Variants in EVC observed in about 807,000 individuals in gnomAD.
EVC encodes evC complex member EVC.
Under a neutral mutation model 118.9 loss-of-function variants are expected in EVC, and 116 were observed. The ratio of observed to expected loss-of-function variants is 0.98; its 90% confidence interval spans 0.84 to 1.14. EVC has a LOEUF of 1.14. Among genes scored for constraint, EVC ranks in the 50% most tolerant of loss-of-function variants. The probability of loss-of-function intolerance (pLI) is 0.00; values close to 1 mark genes in which losing one functional copy is unlikely to be tolerated. For synonymous variants in EVC, 619 were observed against 534.7 expected, an observed-to-expected ratio of 1.16 and a Z score of -2.18; for missense variants, 1,401 against 1,246.4, an observed-to-expected ratio of 1.12 and a Z score of -1.87.
intron 2 of EVC, among the ~76,000 whole-genome samples, chr4:5,725,996 C>T (rs1258868516): frequency 6.6e-6 from 1 of 152,112 alleles, no homozygotes; most frequent in Non-Finnish European, 1.5e-5. Context: ...GTGGAGTGTC[C>T]CTCCCGTGTT....
chr4:5,747,865 T>C (rs1486388844), intron 7 of EVC, among the ~76,000 whole-genome samples: 1 of 152,016 alleles, frequency 6.6e-6, no homozygotes, highest in Admixed American at 6.6e-5. Flanking sequence ...TGTGCAAGAG[T>C]CTGTAGGCTG....
chr4:5,711,485 C>A lies in EVC; in HGVS notation c.105C>A (p.Gly35=), dbSNP rs745558003. The stretch of plus-strand genomic sequence containing the variant: ...TGCTGGCCCCCGCCGTGCTGCTGGG[C>A]GCCGCGCTCGGCCTCGGCCTCGGCC... ...PALLAPAVLL[G]AALGLGLGLW... The change falls in exon 1 of 21, where the codon GGC becomes GGA. Residue 35 remains glycine (G), a synonymous_variant. Coordinates refer to ENST00000264956, the MANE Select transcript of EVC (RefSeq NM_153717.3). The A allele has an allele frequency of 3.2e-4, 357 of 1,106,800 alleles. 1 individual carries two copies. The South Asian group carries it at 7.1e-3, about 22-fold the overall frequency. The allele number at this position is 1,106,800 out of a possible 1,614,324, so 68.6% of individuals were successfully genotyped here. A position where few individuals can be genotyped will look rare whatever the true frequency, so the allele number is the denominator to read the frequency against.
chr4:5,767,215 G>A (rs1733029947), intron 11 of EVC, among the ~76,000 whole-genome samples: 1 of 152,088 alleles, frequency 6.6e-6, no homozygotes, highest in Non-Finnish European at 1.5e-5. Flanking sequence ...GCTCCTCGGG[G>A]GCCAGGGTTC....
intron 2 of EVC, among the ~76,000 whole-genome samples, chr4:5,729,057 C>T (rs541022117): frequency 6.6e-6 from 1 of 152,168 alleles, no homozygotes; most frequent in Non-Finnish European, 1.5e-5. Flanking sequence ...TCCATCCATC[C>T]ACCTGTCTAT....
Position 5,711,455 on chromosome 4 carries a change from C to A in EVC, c.75C>A (p.Pro25=). 1.9e-6 allele frequency: 2 copies of A among 1,037,518 alleles called. No homozygotes were observed. Among genetic ancestry groups the A allele is most frequent in the East Asian group, 8.9e-5 (1 of 11,284 alleles). The allele number at this position is 1,037,518 out of a possible 1,614,324, so 64.3% of individuals were successfully genotyped here. The change falls in exon 1 of 21, where the codon CCC becomes CCA. Residue 25 remains proline, a synonymous_variant. Coordinates refer to ENST00000264956, the MANE Select transcript of EVC (RefSeq NM_153717.3). ...LLGRDALRPA[P]ALLAPAVLLG... ...GGCGGGACGCGCTGCGGCCGGCGCCCGCCCTGCTGGCCCCCGCCGTGCTGC... is the reference window on the plus strand; with the variant it reads ...GGCGGGACGCGCTGCGGCCGGCGCCAGCCCTGCTGGCCCCCGCCGTGCTGC...
chr4:5,719,432 C>G lies in EVC; in HGVS notation c.300+59C>G. 6.2e-7 allele frequency: 1 copy of G among 1,612,316 alleles called. No individual in the cohort carries two copies. Among genetic ancestry groups the G allele is most frequent in the Non-Finnish European group, 8.5e-7 (1 of 1,179,446 alleles). On this transcript the variant is annotated intron_variant, in intron 2 of 20. Coordinates refer to ENST00000264956, the MANE Select transcript of EVC (RefSeq NM_153717.3). This position sits in a 1 kb window ranked among gnomAD's most constrained non-coding sequence, Gnocchi z 4.7. ...ACATGTGGGAGGTGGGGTATTCCCC[C>G]TGGAAGCCGGGTGTCATGTAGACAA...
chr4:5,720,708 G>C (rs1020027569), intron 2 of EVC, among the ~76,000 whole-genome samples: 1 of 152,200 alleles, frequency 6.6e-6, no homozygotes, highest in South Asian at 2.1e-4. Context: ...AACGTGGACG[G>C]GGGGAGAGAT....
intron 2 of EVC, among the ~76,000 whole-genome samples, chr4:5,725,192 A>G (rs1447754115): frequency 1.3e-5 from 2 of 152,322 alleles, no homozygotes; most frequent in East Asian, 3.9e-4. Flanking sequence ...ATACACATGC[A>G]TGTATCTTTA....
At position 5,767,640 on chromosome 4, in the gene EVC, G is replaced by T. The variant is rs948023955; in HGVS notation, c.1563+11278G>T. Among the ~76,000 whole-genome samples the T allele has an allele frequency of 7.4e-4, 113 of 152,098 alleles. 1 individual carries two copies. Among genetic ancestry groups the T allele is most frequent in the African/African-American group, 2.5e-3 (104 of 41,488 alleles). ...TAAGCCCGTCGGAAAAGCACAGTAT[G>T]CGGGTGGGAGTGACCCGATTTTCCA... On this transcript the variant is annotated intron_variant, in intron 11 of 20. Coordinates refer to ENST00000264956, the MANE Select transcript of EVC (RefSeq NM_153717.3).
At chr4:5,792,368 T>A (rs566580252) in intron 12 of EVC, among the ~76,000 whole-genome samples, 2 of 152,338 alleles carry the variant, frequency 1.3e-5, no homozygotes, top group Admixed American at 1.3e-4. Context: ...TAAGATCTGA[T>A]GAATTATACT....
At chr4:5,827,143 T>C in the EVC span, among the ~76,000 whole-genome samples, 5,341 of 152,316 alleles carry the variant, frequency 0.035, 145 homozygotes, top group South Asian at 0.11. Context: ...CTCCTGCAAA[T>C]TGCTGTCTTG....
chr4:5,800,197 T>G (rs1714716218), intron 15 of EVC, among the ~76,000 whole-genome samples: 1 of 151,888 alleles, frequency 6.6e-6, no homozygotes, highest in Admixed American at 6.6e-5. Flanking sequence ...ATACAAAAAT[T>G]AGCTAGGTGT....
chr4:5,764,542 T>C (rs1007402947), intron 11 of EVC, among the ~76,000 whole-genome samples: 14 of 150,450 alleles, frequency 9.3e-5, no homozygotes, highest in Non-Finnish European at 1.8e-4. Flanking sequence ...TGGACTCTTT[T>C]TGGTTGGTAA....
chr4:5,814,632 C>T (rs763823677), downstream of EVC, among the ~76,000 whole-genome samples: 2 of 152,154 alleles, frequency 1.3e-5, no homozygotes, highest in African/African-American at 4.8e-5. Context: ...CCCACCCCTG[C>T]GGCCTAGCAG....
At chr4:5,750,631 C>T (rs1450362031) in intron 8 of EVC, among the ~76,000 whole-genome samples, 1 of 152,176 alleles carries the variant, frequency 6.6e-6, no homozygotes, top group Non-Finnish European at 1.5e-5. Context: ...GCTATGATAG[C>T]ACCTGCTCTC....
chr4:5,748,619 CCCAT>C (rs1321290293), intron 8 of EVC, among the ~76,000 whole-genome samples: 3 of 109,254 alleles, frequency 2.7e-5, no homozygotes, highest in Non-Finnish European at 3.8e-5. Context: ...CATCCACCCA[CCCAT>C]CCATCCATCT....
At position 5,793,580 on chromosome 4, in the gene EVC, C is replaced by T. The variant is rs1460547816; in HGVS notation, c.1777-28C>T. The T allele has an allele frequency of 2.6e-6, 4 of 1,533,280 alleles. No homozygotes were observed. In the South Asian group the frequency reaches 3.6e-5, roughly 14 times the overall value. 95.0% of individuals were successfully genotyped at this position (1,533,280 alleles called of 1,614,324 possible). Reference sequence around the variant, plus strand: ...ATTGTTGAAGTGAGTAACCACATGCCTGCTCTGTCCCTCTGTCCCGAGTTC... The same window carrying T: ...ATTGTTGAAGTGAGTAACCACATGCTTGCTCTGTCCCTCTGTCCCGAGTTC... On this transcript the variant is annotated intron_variant, in intron 12 of 20. Transcript: ENST00000264956.
intron 11 of EVC, among the ~76,000 whole-genome samples, chr4:5,769,056 G>T (rs1220775736): frequency 6.6e-6 from 1 of 151,918 alleles, no homozygotes; most frequent in Non-Finnish European, 1.5e-5. Context: ...TACATTTGAT[G>T]GTCACCTATA....
Position 5,786,764 on chromosome 4 carries a change from C to T in EVC, c.1776+3000C>T, listed in dbSNP as rs185758567. ...ACAGGTGCCTGTAGTCCCAGCTACT[C>T]GGGAGGCTGAGGCAGGAGAATGGCG... is the stretch of plus-strand genomic sequence containing the variant. On this transcript the variant is annotated intron_variant, in intron 12 of 20. Coordinates refer to ENST00000264956, the MANE Select transcript of EVC (RefSeq NM_153717.3). Among the ~76,000 whole-genome samples, 73 of 150,518 alleles carry T rather than the reference C, an allele frequency of 4.8e-4. 1 individual carries two copies. Among genetic ancestry groups the T allele is most frequent in the Middle Eastern group, 6.9e-3 (2 of 290 alleles).
Sources: allele counts gnomAD v4.1 joint callset (sites outside exome capture counted in the v4.1 genomes callset), GRCh38; gene constraint gnomAD v4.1.1; non-coding constraint Gnocchi (gnomAD v3.1); transcripts MANE v1.5; gene names NCBI Gene and HGNC (gene_info 2026-07-23, HGNC 2026-07-21).